XNDC1N: variants seen among roughly 807,000 people sequenced by gnomAD.
The protein encoded by XNDC1N is XRCC1 N-terminal domain containing 1, N-terminal like.
chr11:71,879,453 A>G, the XNDC1N span, among the ~76,000 whole-genome samples: 1 of 152,250 alleles, frequency 6.6e-6, no homozygotes, highest in Non-Finnish European at 1.5e-5. Flanking sequence ...GATTTAGATT[A>G]CTGGTTGACT....
the XNDC1N span, chr11:71,878,433 C>T: frequency 1.2e-6 from 2 of 1,611,134 alleles, no homozygotes; most frequent in African/African-American, 2.7e-5. Context: ...TTCTCTCTAA[C>T]CTGCTTTACC....
chr11:71,920,656 G>A, the XNDC1N span, among the ~76,000 whole-genome samples: 1 of 152,160 alleles, frequency 6.6e-6, no homozygotes, highest in African/African-American at 2.4e-5. Context: ...TGTGGGATAA[G>A]AAAGTCAAAG....
chr11:71,913,551 C>T, the XNDC1N span, among the ~76,000 whole-genome samples: 8 of 151,164 alleles, frequency 5.3e-5, no homozygotes, highest in African/African-American at 1.7e-4. Context: ...TCCAGCTACT[C>T]GGGAGGCTGA....
At chr11:71,926,699 G>A in the XNDC1N span, among the ~76,000 whole-genome samples, 2 of 152,044 alleles carry the variant, frequency 1.3e-5, no homozygotes, top group Non-Finnish European at 2.9e-5. Flanking sequence ...TCAGGAGTTT[G>A]AGACCAGCCT....
the XNDC1N span, among the ~76,000 whole-genome samples, chr11:71,907,228 G>C: frequency 6.6e-6 from 1 of 151,994 alleles, no homozygotes; most frequent in East Asian, 1.9e-4. Context: ...CCTAGAATAT[G>C]GAAAATAATG....
the XNDC1N span, among the ~76,000 whole-genome samples, chr11:71,882,126 T>A: frequency 6.6e-6 from 1 of 151,634 alleles, no homozygotes; most frequent in African/African-American, 2.4e-5. Context: ...AAAATCTTTA[T>A]CTATGGACAA....
the XNDC1N span, among the ~76,000 whole-genome samples, chr11:71,914,138 T>C: frequency 1.3e-5 from 2 of 152,300 alleles, no homozygotes; most frequent in South Asian, 2.1e-4. Context: ...CTTTCAAGCA[T>C]TGCTATTTAA....
At chr11:71,899,524 A>G in the XNDC1N span, among the ~76,000 whole-genome samples, 2 of 152,210 alleles carry the variant, frequency 1.3e-5, no homozygotes, top group Non-Finnish European at 2.9e-5. Flanking sequence ...ACCCAACCTG[A>G]AGCTCACAAA....
At chr11:71,884,989 GC>G in the XNDC1N span, among the ~76,000 whole-genome samples, 1 of 151,874 alleles carries the variant, frequency 6.6e-6, no homozygotes, top group African/African-American at 2.4e-5. Flanking sequence ...AGCCCCTCTT[GC>G]CCCCCTGGTT....
At chr11:71,867,264 A>C in the XNDC1N span, among the ~76,000 whole-genome samples, 1 of 152,238 alleles carries the variant, frequency 6.6e-6, no homozygotes, top group Non-Finnish European at 1.5e-5. Flanking sequence ...TAAGATGGCT[A>C]AGTAGAAGGT....
chr11:71,895,054 A>C, the XNDC1N span, among the ~76,000 whole-genome samples: 2 of 151,954 alleles, frequency 1.3e-5, no homozygotes, highest in Non-Finnish European at 2.9e-5. Context: ...GTTAAAAATG[A>C]TGAGGCCTGG....
the XNDC1N span, among the ~76,000 whole-genome samples, chr11:71,910,517 A>C: frequency 6.6e-6 from 1 of 152,112 alleles, no homozygotes; most frequent in Non-Finnish European, 1.5e-5. Context: ...GGAGAGACCT[A>C]GGCTGCGTGT....
the XNDC1N span, among the ~76,000 whole-genome samples, chr11:71,887,204 G>C: frequency 6.8e-3 from 995 of 147,172 alleles, 4 homozygotes; most frequent in African/African-American, 0.016. Context: ...CCGGTCGCCC[G>C]GTTATCCAAA....
chr11:71,889,798 AT>A, the XNDC1N span, among the ~76,000 whole-genome samples: 1 of 152,126 alleles, frequency 6.6e-6, no homozygotes, highest in Non-Finnish European at 1.5e-5. Context: ...CTTCACAGAG[AT>A]GTCAAAATGT....
At chr11:71,867,947 T>A in the XNDC1N span, among the ~76,000 whole-genome samples, 1 of 152,250 alleles carries the variant, frequency 6.6e-6, no homozygotes. Context: ...CCTAATAACC[T>A]GTTTTATGAA....
At chr11:71,915,968 T>G in the XNDC1N span, 2 of 624,092 alleles carry the variant, frequency 3.2e-6, no homozygotes, top group Non-Finnish European at 5.8e-6. Flanking sequence ...TGTGTGTGTG[T>G]GTGTACGTGT....
chr11:71,880,598 G>T, the XNDC1N span, among the ~76,000 whole-genome samples: 1 of 152,056 alleles, frequency 6.6e-6, no homozygotes, highest in East Asian at 1.9e-4. Context: ...TCCTTGAGGT[G>T]CATAGTAGCT....
At chr11:71,887,032 G>A in the XNDC1N span, among the ~76,000 whole-genome samples, 2 of 152,190 alleles carry the variant, frequency 1.3e-5, no homozygotes, top group African/African-American at 4.8e-5. Context: ...GGAGGCCCCG[G>A]ACAAGGAGGA....
chr11:71,889,949 G>A, the XNDC1N span, among the ~76,000 whole-genome samples: 1 of 152,096 alleles, frequency 6.6e-6, no homozygotes, highest in African/African-American at 2.4e-5. Flanking sequence ...CGGCCTTTAG[G>A]GATCGGCTCA....
Sources: gnomAD v4.1 joint callset for allele counts (sites outside exome capture counted in the v4.1 genomes callset) on GRCh38, gnomAD v4.1.1 for gene constraint, MANE v1.5 for transcripts, NCBI Gene and HGNC (gene_info 2026-07-23, HGNC 2026-07-21) for gene names.